MLXIPL: variants seen among roughly 807,000 people sequenced by gnomAD.
MLXIPL encodes the protein carbohydrate-responsive element-binding protein.
Under a neutral mutation model 81.5 loss-of-function variants are expected in MLXIPL, and 49 were observed. That is an observed-to-expected ratio of 0.60 (90% CI 0.48 to 0.76). The LOEUF (loss-of-function observed/expected upper bound fraction) is 0.76, where lower values mean the gene tolerates loss of function less well. Ranked by LOEUF, MLXIPL falls within the 30% of genes least tolerant of loss-of-function variation. MLXIPL has a pLI of 0.00. For synonymous variants in MLXIPL, 466 were observed against 485.5 expected (o/e 0.96, Z 0.53); for missense variants, 1,053 against 1,167.0 (o/e 0.90, Z 1.42).
Position 73,596,573 on chromosome 7 carries a change from CCTT to C in MLXIPL, c.1822+63_1822+65del, listed in dbSNP as rs1268639011. 1.1e-5 allele frequency: 18 copies of C among 1,598,910 alleles called. No individual in the cohort carries two copies. Among genetic ancestry groups the C allele is most frequent in the African/African-American group, 4.0e-5 (3 of 74,586 alleles). ...TCTCATCTGGCCCCAGACCCAGTCCCCTTCTTCTTCCTCCTCTTCCCCTCATCC... is the reference window on the plus strand; with the variant it reads ...TCTCATCTGGCCCCAGACCCAGTCCCCTTCTTCCTCCTCTTCCCCTCATCC... On this transcript the variant is annotated intron_variant, in intron 11 of 16. Transcript: ENST00000313375. The surrounding 1 kb of genome is among the most constrained non-coding windows in gnomAD (Gnocchi z 4.7).
Position 73,597,313 on chromosome 7 carries a change from G to T in MLXIPL, c.1472C>A (p.Pro491His), listed in dbSNP as rs782383095. The T allele has an allele frequency of 4.4e-5, 69 of 1,565,176 alleles. No individual in the cohort carries two copies. The highest frequency in any genetic ancestry group is 5.7e-5 in the Non-Finnish European group (66 of 1,155,860). The stretch of plus-strand genomic sequence containing the variant: ...GGATGGGGCGGGGGGCTTGCCTCTG[G>T]GCATGGAGAAGCAAGGCCCAAAGGC... ...EPAFGPCFSM[P>H]RGKPPAPSPR... The change falls in exon 9 of 17, where the codon CCC becomes CAC. Residue 491 changes from proline to histidine, a missense_variant. Physicochemically the swap from Pro to His is moderately conservative, Grantham distance 77. Transcript: ENST00000313375.
At chr7:73,602,399 G>A (rs1391683185) in intron 7 of MLXIPL, among the ~76,000 whole-genome samples, 2 of 151,186 alleles carry the variant, frequency 1.3e-5, no homozygotes, top group African/African-American at 4.9e-5. Context: ...GGCCAGGCGC[G>A]GTGGCTCACG....
the MLXIPL span, among the ~76,000 whole-genome samples, chr7:73,635,369 C>A: frequency 6.6e-6 from 1 of 152,142 alleles, no homozygotes; most frequent in Non-Finnish European, 1.5e-5. Context: ...ATCCGTCCAG[C>A]CATCCATTCA....
At chr7:73,646,105 G>A in the MLXIPL span, among the ~76,000 whole-genome samples, 1 of 152,154 alleles carries the variant, frequency 6.6e-6, no homozygotes, top group African/African-American at 2.4e-5. Flanking sequence ...AGTGAGGACT[G>A]CACTAATGAT....
Position 73,596,940 on chromosome 7 carries a change from C to T in MLXIPL, c.1604-8G>A, listed in dbSNP as rs782285397. On this transcript the variant is annotated splice_polypyrimidine_tract_variant and splice_region_variant and intron_variant, in intron 9 of 16. Transcript: ENST00000313375. The surrounding 1 kb of genome is among the most constrained non-coding windows in gnomAD (Gnocchi z 4.7). ...GGGCTTGCTCCGGCTTAGCTGTGCA[C>T]GGGCAGAACCGTGAGGCTACTGGGG... 44 of 1,606,640 alleles carry T rather than the reference C, an allele frequency of 2.7e-5. 2 individuals carry two copies. The highest frequency in any genetic ancestry group is 1.1e-4 in the South Asian group (10 of 89,698).
At chr7:73,647,674 T>C in the MLXIPL span, among the ~76,000 whole-genome samples, 4 of 152,056 alleles carry the variant, frequency 2.6e-5, no homozygotes, top group African/African-American at 9.7e-5. Context: ...CGCGCCTCTA[T>C]GGGCAGAGGG....
chr7:73,624,882 A>AC (rs559618924), upstream of MLXIPL, among the ~76,000 whole-genome samples: 60 of 151,922 alleles, frequency 3.9e-4, no homozygotes, highest in Non-Finnish European at 7.1e-4. Flanking sequence ...ATATGGCAAG[A>AC]CCCCCATCTC....
At position 73,624,232 on chromosome 7, in the gene MLXIPL, T is replaced by A. The variant is rs970627110; in HGVS notation, c.261A>T (p.Thr87=). Residue 87 remains threonine, a synonymous_variant, in exon 1 of 17, where the codon ACA becomes ACT. Transcript: ENST00000313375. ...FGPRSIDPTL[T]RLFECLSLAY... ...CCAGGCTCAAGCACTCGAAGAGGCG[T>A]GTGAGTGTGGGGTCGATACTGCGCG... is the stretch of plus-strand genomic sequence containing the variant. The A allele has an allele frequency of 7.2e-7, 1 of 1,381,892 alleles. No individual in the cohort carries two copies. Among genetic ancestry groups the A allele is most frequent in the East Asian group, 4.3e-5 (1 of 23,466 alleles). 85.6% of individuals were successfully genotyped at this position (1,381,892 alleles called of 1,614,324 possible).
chr7:73,628,198 C>T (rs782193782), upstream of MLXIPL, among the ~76,000 whole-genome samples: 7 of 151,986 alleles, frequency 4.6e-5, no homozygotes, highest in Non-Finnish European at 8.8e-5. Flanking sequence ...ATCACCCCAC[C>T]GTGCTCTCCC....
chr7:73,607,231 C>T, intron 4 of MLXIPL, 100 bp downstream of exon 4: 2 of 1,352,448 alleles, frequency 1.5e-6, no homozygotes, highest in Non-Finnish European at 2.1e-6. Context: ...GGCGCAAGCT[C>T]GGGGGTCAGG....
the MLXIPL span, among the ~76,000 whole-genome samples, chr7:73,633,615 G>A: frequency 2.0e-5 from 3 of 151,978 alleles, no homozygotes; most frequent in South Asian, 2.1e-4. Flanking sequence ...CACCATGCCA[G>A]GCTAATTTTT....
chr7:73,635,391 A>G, the MLXIPL span, among the ~76,000 whole-genome samples: 5 of 152,058 alleles, frequency 3.3e-5, no homozygotes, highest in Non-Finnish European at 5.9e-5. Flanking sequence ...CTGTCCATCT[A>G]GTTATTTACC....
At chr7:73,605,107 A>G (rs1352486154) in intron 7 of MLXIPL, among the ~76,000 whole-genome samples, 2 of 152,092 alleles carry the variant, frequency 1.3e-5, no homozygotes, top group Admixed American at 6.6e-5. Context: ...AAATAAATAG[A>G]CCCAAATAAT....
At chr7:73,637,367 C>T in the MLXIPL span, among the ~76,000 whole-genome samples, 55 of 151,736 alleles carry the variant, frequency 3.6e-4, no homozygotes, top group African/African-American at 1.3e-3. Context: ...CCCAGCTACT[C>T]AGGAGGCTGA....
intron 2 of MLXIPL, among the ~76,000 whole-genome samples, chr7:73,614,808 C>CGT (rs1563505241): frequency 0.023 from 2,962 of 130,796 alleles, 145 homozygotes; most frequent in African/African-American, 0.082. Context: ...TTTGTTTTGC[C>CGT]CTTTTTTTTT....
At chr7:73,643,310 C>T in the MLXIPL span, among the ~76,000 whole-genome samples, 1 of 152,044 alleles carries the variant, frequency 6.6e-6, no homozygotes, top group Non-Finnish European at 1.5e-5. Context: ...GTCAGGAGAT[C>T]GAGACCAGCC....
chr7:73,596,754 A>C lies in MLXIPL; in HGVS notation c.1707T>G (p.Leu569=), dbSNP rs1762235470. Residue 569 remains leucine (L), a synonymous_variant, in exon 11 of 17, where the codon CTT becomes CTG. Transcript: ENST00000313375. This position sits in a 1 kb window ranked among gnomAD's most constrained non-coding sequence, Gnocchi z 4.7. ...GCGGTGTAGGGGCCGGGGTCGGGGG[A>C]AGGAATGTGCAGGGGAATTCAGGGA... ...ETVPEFPCTF[L]PPTPAPTPPR... 6.3e-6 allele frequency: 10 copies of C among 1,598,844 alleles called. No individual in the cohort carries two copies. Among genetic ancestry groups the C allele is most frequent in the Non-Finnish European group, 8.5e-6 (10 of 1,174,212 alleles).
chr7:73,613,233 T>C lies in MLXIPL; in HGVS notation c.400+2838A>G, dbSNP rs112228891. Among the ~76,000 whole-genome samples, 267 of 152,284 alleles carry C rather than the reference T, an allele frequency of 1.8e-3. 1 individual carries two copies. Among genetic ancestry groups the C allele is most frequent in the African/African-American group, 5.1e-3 (210 of 41,560 alleles). On this transcript the variant is annotated intron_variant, in intron 2 of 16. Transcript: ENST00000313375. ...GAGGGGTCTTGACATTTGTTGTATGTGTGTCACGTGCTGCTATGACTATGA... is the reference window on the plus strand; with the variant it reads ...GAGGGGTCTTGACATTTGTTGTATGCGTGTCACGTGCTGCTATGACTATGA...
chr7:73,621,510 C>A (rs1554602053), intron 1 of MLXIPL, among the ~76,000 whole-genome samples: 2 of 151,978 alleles, frequency 1.3e-5, no homozygotes, highest in Non-Finnish European at 2.9e-5. Context: ...TATAGTCACT[C>A]CCCTGGGACA....
Sources: gnomAD v4.1 joint callset for allele counts (sites outside exome capture counted in the v4.1 genomes callset) on GRCh38, gnomAD v4.1.1 for gene constraint, Gnocchi (gnomAD v3.1) non-coding constraint, MANE v1.5 for transcripts, NCBI Gene and HGNC (gene_info 2026-07-23, HGNC 2026-07-21) for gene names.